AOAH: variants seen among roughly 807,000 people sequenced by gnomAD.
AOAH encodes the protein acyloxyacyl hydrolase (neutrophil).
AOAH carries 64 observed loss-of-function variants against 92.2 expected under a neutral mutation model. That is an observed-to-expected ratio of 0.69 (90% CI 0.57 to 0.86). AOAH has a LOEUF of 0.86. Among genes scored for constraint, AOAH ranks in the 40% least tolerant of loss-of-function variants. The pLI is 0.00. For missense variants in AOAH, 656 were observed against 694.6 expected (o/e 0.94, Z 0.62); for synonymous variants, 263 against 254.5 (o/e 1.03, Z -0.32).
chr7:36,590,804 T>C (rs4523143), intron 12 of AOAH, among the ~76,000 whole-genome samples: 36,386 of 152,206 alleles, frequency 0.24, 5,359 homozygotes, highest in African/African-American at 0.41. Context: ...GAAGTGCTGC[T>C]TCTGGGTCAA....
intron 3 of AOAH, among the ~76,000 whole-genome samples, chr7:36,672,637 G>A (rs897802321): frequency 6.6e-6 from 1 of 152,172 alleles, no homozygotes; most frequent in African/African-American, 2.4e-5. Context: ...GGGGAAAGGG[G>A]AGGGAGAGCA....
At chr7:36,683,727 A>G (rs1796792095) in intron 2 of AOAH, among the ~76,000 whole-genome samples, 1 of 72,612 alleles carries the variant, frequency 1.4e-5, no homozygotes, top group Admixed American at 1.5e-4. Flanking sequence ...TCTGAACTTG[A>G]ATTTGAAGTG....
At chr7:36,585,577 G>A (rs914834463) in intron 12 of AOAH, among the ~76,000 whole-genome samples, 1 of 152,208 alleles carries the variant, frequency 6.6e-6, no homozygotes, top group African/African-American at 2.4e-5. Flanking sequence ...CTGGATATAA[G>A]TTGGATGTCC....
chr7:36,513,055 T>G lies in AOAH; in HGVS notation c.*197A>C, dbSNP rs1012151436. 19 of 1,543,308 alleles carry G rather than the reference T, an allele frequency of 1.2e-5. No homozygotes were observed. Among genetic ancestry groups the G allele is most frequent in the Non-Finnish European group, 1.7e-5 (19 of 1,150,248 alleles). ...GGTTATTTCAGGAACAGCGGAAGGGTTACTGATCCCGGGAGCACACAGCAT... is the reference window on the plus strand; with the variant it reads ...GGTTATTTCAGGAACAGCGGAAGGGGTACTGATCCCGGGAGCACACAGCAT... On this transcript the variant is annotated 3_prime_UTR_variant, in exon 21 of 21. Transcript: ENST00000617537.
At chr7:36,587,506 C>T (rs548923184) in intron 12 of AOAH, among the ~76,000 whole-genome samples, 1 of 152,132 alleles carries the variant, frequency 6.6e-6, no homozygotes, top group African/African-American at 2.4e-5. Flanking sequence ...AATGCATTGG[C>T]CTGTCTTGCA....
At chr7:36,700,095 T>C (rs1196247632) in intron 1 of AOAH, among the ~76,000 whole-genome samples, 1 of 152,040 alleles carries the variant, frequency 6.6e-6, no homozygotes, top group Non-Finnish European at 1.5e-5. Context: ...TGTCAAAAAA[T>C]GGAATTGGCT....
At chr7:36,550,878 G>C (rs1396762424) in intron 13 of AOAH, among the ~76,000 whole-genome samples, 1 of 152,188 alleles carries the variant, frequency 6.6e-6, no homozygotes, top group Non-Finnish European at 1.5e-5. Context: ...GCAGCGTGTA[G>C]CCATGAAGGG....
chr7:36,682,369 C>A (rs1562692362), intron 2 of AOAH, among the ~76,000 whole-genome samples: 1 of 152,090 alleles, frequency 6.6e-6, no homozygotes, highest in Admixed American at 6.6e-5. Context: ...CTACCCCGAA[C>A]CGCCTCTCTT....
intron 12 of AOAH, among the ~76,000 whole-genome samples, chr7:36,594,039 T>TAGTC (rs144508371): frequency 0.04 from 6,059 of 152,256 alleles, 353 homozygotes; most frequent in African/African-American, 0.14. Context: ...TGAGAACAAA[T>TAGTC]AAGTAAACTT....
intron 5 of AOAH, among the ~76,000 whole-genome samples, chr7:36,636,123 A>G (rs1793504244): frequency 6.6e-6 from 1 of 151,924 alleles, no homozygotes; most frequent in South Asian, 2.1e-4. Flanking sequence ...AAGTTATATC[A>G]GCCATCACAG....
At chr7:36,558,763 A>C (rs1419719712) in intron 13 of AOAH, among the ~76,000 whole-genome samples, 1 of 152,248 alleles carries the variant, frequency 6.6e-6, no homozygotes, top group African/African-American at 2.4e-5. Flanking sequence ...CTCCGTGGGC[A>C]TAGGACCCTC....
chr7:36,655,847 G>T (rs919932307), intron 4 of AOAH, among the ~76,000 whole-genome samples: 2 of 152,192 alleles, frequency 1.3e-5, no homozygotes, highest in Admixed American at 1.3e-4. Context: ...GAGGATAGTG[G>T]TAGAGACAGG....
chr7:36,559,564 T>C (rs1262958443), intron 13 of AOAH, among the ~76,000 whole-genome samples: 7 of 152,210 alleles, frequency 4.6e-5, no homozygotes, highest in Non-Finnish European at 1.0e-4. Context: ...AAGTATCTGT[T>C]CATGTCTTTT....
At chr7:36,595,631 T>G (rs1790049652) in intron 11 of AOAH, among the ~76,000 whole-genome samples, 2 of 152,372 alleles carry the variant, frequency 1.3e-5, no homozygotes, top group South Asian at 4.1e-4. Context: ...GTATGTCTCA[T>G]GCATGCAATG....
chr7:36,548,981 A>C (rs1785999291), intron 14 of AOAH, among the ~76,000 whole-genome samples: 1 of 152,184 alleles, frequency 6.6e-6, no homozygotes, highest in Non-Finnish European at 1.5e-5. Context: ...CATCTTTCAC[A>C]GCAATTGCAT....
chr7:36,530,661 T>G (rs1341358638), intron 18 of AOAH, 147 bp from the exon 19 acceptor site: 5 of 581,130 alleles, frequency 8.6e-6, no homozygotes, highest in Non-Finnish European at 9.2e-6. Flanking sequence ...CTCTGCACAT[T>G]AAATTCTAGT....
At chr7:36,541,791 C>T (rs1785441866) in intron 15 of AOAH, among the ~76,000 whole-genome samples, 2 of 152,140 alleles carry the variant, frequency 1.3e-5, no homozygotes, top group South Asian at 4.1e-4. Flanking sequence ...TTGTTCATTT[C>T]TTTGTACAAT....
chr7:36,678,600 T>TGTGTGTGTGCGCGC (rs549317369), intron 2 of AOAH, among the ~76,000 whole-genome samples: 111 of 131,070 alleles, frequency 8.5e-4, no homozygotes, highest in Non-Finnish European at 1.2e-3. Context: ...TGTGTGTGTG[T>TGTGTGTGTGCGCGC]GCGCGCGCGC....
At chr7:36,704,179 G>A (rs868423249) in intron 1 of AOAH, among the ~76,000 whole-genome samples, 6 of 151,874 alleles carry the variant, frequency 4.0e-5, no homozygotes, top group East Asian at 3.9e-4. Flanking sequence ...CACATCCTTC[G>A]CCCACTTTTT....
Sources: gnomAD v4.1 joint callset for allele counts (sites outside exome capture counted in the v4.1 genomes callset) on GRCh38, gnomAD v4.1.1 for gene constraint, MANE v1.5 for transcripts, NCBI Gene and HGNC (gene_info 2026-07-23, HGNC 2026-07-21) for gene names.